Variants in LYPLAL1 observed in about 807,000 individuals in gnomAD.
The protein encoded by LYPLAL1 is lysophospholipase-like protein 1.
LYPLAL1 carries 23 observed loss-of-function variants against 19.7 expected under a neutral mutation model. The observed-to-expected ratio is 1.17, with a 90% CI of 0.84 to 1.65. The LOEUF is 1.65. Ranked by LOEUF, LYPLAL1 falls within the 40% of genes most tolerant of loss-of-function variation. LYPLAL1 has a pLI of 0.00. For synonymous variants in LYPLAL1, 119 were observed against 96.3 expected (o/e 1.24, Z -1.38); for missense variants, 355 against 279.4 (o/e 1.27, Z -1.93).
the LYPLAL1 span, among the ~76,000 whole-genome samples, chr1:219,245,989 A>T: frequency 6.6e-6 from 1 of 152,138 alleles, no homozygotes; most frequent in African/African-American, 2.4e-5. Context: ...GGATGTGGGG[A>T]GTTAGCCATA....
At chr1:219,259,409 AT>A in the LYPLAL1 span, among the ~76,000 whole-genome samples, 1 of 752 alleles carries the variant, frequency 1.3e-3, no homozygotes, top group African/African-American at 1.9e-3. Flanking sequence ...GTATATATAC[AT>A]ATATATATAT....
At chr1:219,412,418 TAC>T in the LYPLAL1 span, among the ~76,000 whole-genome samples, 4 of 152,192 alleles carry the variant, frequency 2.6e-5, no homozygotes, top group African/African-American at 9.7e-5. Context: ...ATGCTATTTC[TAC>T]AAAACATACT....
At chr1:219,174,367 C>A in intron 1 of LYPLAL1, 2 of 952,894 alleles carry the variant, frequency 2.1e-6, no homozygotes, top group Non-Finnish European at 2.6e-6. Context: ...AGTGATTTTT[C>A]AGTCGTAATT....
At chr1:219,340,660 T>G in the LYPLAL1 span, among the ~76,000 whole-genome samples, 1 of 152,076 alleles carries the variant, frequency 6.6e-6, no homozygotes, top group East Asian at 1.9e-4. Context: ...GATTCTTCCC[T>G]GCTTTTAACG....
At chr1:219,236,429 G>A in the LYPLAL1 span, among the ~76,000 whole-genome samples, 2 of 152,118 alleles carry the variant, frequency 1.3e-5, no homozygotes, top group African/African-American at 4.8e-5. Context: ...ATATCTGCAT[G>A]GTTTTAGTTG....
chr1:219,197,646 G>A (rs1266564937), intron 3 of LYPLAL1, among the ~76,000 whole-genome samples: 1 of 152,110 alleles, frequency 6.6e-6, no homozygotes, highest in East Asian at 1.9e-4. Flanking sequence ...ATAAACTAAA[G>A]CACTTCTGCA....
intron 2 of LYPLAL1, among the ~76,000 whole-genome samples, chr1:219,191,064 A>T (rs1365615412): frequency 1.3e-5 from 2 of 151,654 alleles, no homozygotes; most frequent in Admixed American, 6.6e-5. Flanking sequence ...TGGTTTTAAA[A>T]CTTCAATTGA....
chr1:219,256,911 G>A, the LYPLAL1 span, among the ~76,000 whole-genome samples: 3 of 151,840 alleles, frequency 2.0e-5, no homozygotes, highest in Non-Finnish European at 4.4e-5. Context: ...TAATTTCACT[G>A]TGGTCAAATA....
At chr1:219,416,117 T>C in the LYPLAL1 span, among the ~76,000 whole-genome samples, 22 of 152,354 alleles carry the variant, frequency 1.4e-4, no homozygotes, top group South Asian at 4.1e-4. Context: ...AACATGTTAT[T>C]AATGTACATT....
chr1:219,241,134 C>CTCTCTCTCTCTCTCTATATATATA, the LYPLAL1 span, among the ~76,000 whole-genome samples: 11 of 44,364 alleles, frequency 2.5e-4, no homozygotes, highest in East Asian at 8.2e-4. Flanking sequence ...CTCTCTCTCT[C>CTCTCTCTCTCTCTCTATATATATA]TATATATATA....
chr1:219,199,888 G>T, intron 3 of LYPLAL1: 1 of 225,586 alleles, frequency 4.4e-6, no homozygotes, highest in South Asian at 7.9e-5. Flanking sequence ...CCATCTGAAG[G>T]AAAATAGCAA....
At chr1:219,332,195 A>G in the LYPLAL1 span, among the ~76,000 whole-genome samples, 1 of 152,152 alleles carries the variant, frequency 6.6e-6, no homozygotes, top group South Asian at 2.1e-4. Context: ...GAGACACCAC[A>G]TGAAAAGACA....
At chr1:219,346,768 A>G in the LYPLAL1 span, among the ~76,000 whole-genome samples, 2 of 152,154 alleles carry the variant, frequency 1.3e-5, no homozygotes, top group Non-Finnish European at 2.9e-5. Flanking sequence ...AGAAGTTGCA[A>G]ATTAGAAAGT....
intron 3 of LYPLAL1, among the ~76,000 whole-genome samples, chr1:219,208,476 A>G (rs1658747277): frequency 6.6e-6 from 1 of 152,056 alleles, no homozygotes; most frequent in Non-Finnish European, 1.5e-5. Flanking sequence ...TAAATTTTTT[A>G]CTACTTTCAT....
At chr1:219,356,487 G>A in the LYPLAL1 span, among the ~76,000 whole-genome samples, 1 of 152,112 alleles carries the variant, frequency 6.6e-6, no homozygotes, top group Non-Finnish European at 1.5e-5. Flanking sequence ...GCAACAGAGT[G>A]ATATGCCGTC....
At chr1:219,433,256 A>T in the LYPLAL1 span, among the ~76,000 whole-genome samples, 1 of 152,140 alleles carries the variant, frequency 6.6e-6, no homozygotes, top group African/African-American at 2.4e-5. Context: ...CCACCTAGGG[A>T]ACTGTCCTGC....
chr1:219,333,835 CAT>C, the LYPLAL1 span, among the ~76,000 whole-genome samples: 1 of 151,956 alleles, frequency 6.6e-6, no homozygotes, highest in Admixed American at 6.6e-5. Context: ...CAGCCTTTCT[CAT>C]ATGTCACCAG....
the LYPLAL1 span, among the ~76,000 whole-genome samples, chr1:219,251,088 G>A: frequency 4.0e-5 from 6 of 151,764 alleles, no homozygotes; most frequent in Non-Finnish European, 7.4e-5. Context: ...ATGCTTGTTG[G>A]CTGCATGGCT....
At chr1:219,396,477 A>C in the LYPLAL1 span, among the ~76,000 whole-genome samples, 1 of 152,146 alleles carries the variant, frequency 6.6e-6, no homozygotes, top group Admixed American at 6.5e-5. Context: ...GAAGAATGTC[A>C]TTGGTATTGA....
Sources: allele counts gnomAD v4.1 joint callset (sites outside exome capture counted in the v4.1 genomes callset), GRCh38; gene constraint gnomAD v4.1.1; transcripts MANE v1.5; gene names NCBI Gene and HGNC (gene_info 2026-07-23, HGNC 2026-07-21).